Variants in ASTN1 observed in about 807,000 individuals in gnomAD.
ASTN1 encodes the protein astrotactin-1.
ASTN1 carries 41 observed loss-of-function variants against 140.7 expected under a neutral mutation model. That is an observed-to-expected ratio of 0.29 (90% CI 0.23 to 0.38). ASTN1 has a LOEUF of 0.38. Among genes scored for constraint, ASTN1 ranks in the 10% least tolerant of loss-of-function variants. ASTN1 has a pLI of 1.00. For missense variants in ASTN1, 1,479 were observed against 1,678.8 expected (o/e 0.88, Z 2.08); for synonymous variants, 640 against 652.2 (o/e 0.98, Z 0.29).
In ASTN1 at chr1:176,946,066, C is replaced by T. The variant is rs759337020; in HGVS notation, c.2109G>A (p.Thr703=). Residue 703 remains threonine, a synonymous_variant, in exon 13 of 23, where the codon ACG becomes ACA. Transcript: ENST00000361833. ...AGTCACTTCCCTCTGGACAGGTCTC[C>T]GTGATGAGTTGGCAAGAGCGTCCAT... ...GVDGRSCQLI[T]ETCPEGSDCG... is the part of the protein sequence containing the mutation. The T allele has an allele frequency of 8.7e-6, 14 of 1,613,708 alleles. No homozygotes were observed. The highest frequency in any genetic ancestry group is 2.7e-5 in the African/African-American group (2 of 74,908).
At chr1:177,017,535 G>A (rs906828667) in intron 7 of ASTN1, among the ~76,000 whole-genome samples, 1 of 152,220 alleles carries the variant, frequency 6.6e-6, no homozygotes, top group Non-Finnish European at 1.5e-5. Flanking sequence ...GAATTTTAAA[G>A]ACCCCACAAG....
chr1:177,012,809 G>A (rs1057218594), intron 8 of ASTN1, among the ~76,000 whole-genome samples: 3 of 152,186 alleles, frequency 2.0e-5, no homozygotes, highest in Admixed American at 6.5e-5. Context: ...TCACTACAGC[G>A]AGCCAGCCTG....
intron 1 of ASTN1, among the ~76,000 whole-genome samples, chr1:177,128,904 C>T (rs1681805763): frequency 6.6e-6 from 1 of 152,112 alleles, no homozygotes; most frequent in South Asian, 2.1e-4. Context: ...TCATCCATGA[C>T]ATAGGAATAT....
chr1:177,153,024 G>C (rs1683104853), intron 1 of ASTN1, among the ~76,000 whole-genome samples: 1 of 152,148 alleles, frequency 6.6e-6, no homozygotes, highest in African/African-American at 2.4e-5. Context: ...GAGTAACCAT[G>C]TGGACAGCTG....
chr1:177,064,967 C>G (rs982332264), intron 1 of ASTN1, among the ~76,000 whole-genome samples: 7 of 152,220 alleles, frequency 4.6e-5, no homozygotes, highest in Admixed American at 2.6e-4. Context: ...TGTAATCATA[C>G]TGGTCTGGAT....
intron 21 of ASTN1, among the ~76,000 whole-genome samples, chr1:176,871,115 T>C (rs570635434): frequency 6.6e-6 from 1 of 152,276 alleles, no homozygotes; most frequent in East Asian, 1.9e-4. Context: ...ATGGAAAATC[T>C]GGGATGACTC....
chr1:176,942,970 C>T (rs761473598), intron 14 of ASTN1, among the ~76,000 whole-genome samples: 14 of 149,694 alleles, frequency 9.4e-5, no homozygotes, highest in Non-Finnish European at 1.8e-4. Context: ...CACAGGTGCA[C>T]GTCCTCAACC....
chr1:177,163,651 G>C (rs1010806343), intron 1 of ASTN1, among the ~76,000 whole-genome samples: 1 of 152,152 alleles, frequency 6.6e-6, no homozygotes. Context: ...GAATGCCTAC[G>C]CCTATCTAAG....
chr1:177,080,259 CAAAAAAAAAA>C (rs11300384), intron 1 of ASTN1, among the ~76,000 whole-genome samples: 1 of 48,404 alleles, frequency 2.1e-5, no homozygotes, highest in African/African-American at 8.6e-5. Context: ...ATCACCAGGC[CAAAAAAAAAA>C]AAAAAAAAAA....
At chr1:176,903,918 T>G (rs1669873270) in intron 16 of ASTN1, among the ~76,000 whole-genome samples, 1 of 152,224 alleles carries the variant, frequency 6.6e-6, no homozygotes, top group Non-Finnish European at 1.5e-5. Flanking sequence ...TCCTTGGCAC[T>G]CCTTGGCTTA....
intron 1 of ASTN1, among the ~76,000 whole-genome samples, chr1:177,150,578 A>C (rs1313895234): frequency 6.6e-6 from 1 of 152,200 alleles, no homozygotes; most frequent in Non-Finnish European, 1.5e-5. Flanking sequence ...AGGACCAATT[A>C]TCAGGCAGAG....
At chr1:177,071,027 C>T (rs1024169298) in intron 1 of ASTN1, among the ~76,000 whole-genome samples, 1 of 152,158 alleles carries the variant, frequency 6.6e-6, no homozygotes, top group Admixed American at 6.5e-5. Context: ...CTTTAAATAG[C>T]TTCAGCTGCT....
At chr1:176,870,668 C>T (rs539454263) in intron 21 of ASTN1, among the ~76,000 whole-genome samples, 2 of 152,308 alleles carry the variant, frequency 1.3e-5, no homozygotes, top group Admixed American at 1.3e-4. Flanking sequence ...GACACCAATC[C>T]TGTAGCAACC....
chr1:177,137,628 T>G lies in ASTN1; in HGVS notation c.283+26766A>C, dbSNP rs79089069. On this transcript the variant is annotated intron_variant, in intron 1 of 22. Coordinates refer to ENST00000361833, the MANE Select transcript of ASTN1 (RefSeq NM_004319.3). ...ACAGTTACCTAGAGGTGGAGCTAAT[T>G]CACAAACTGTCAAGGTCTGTGAAGG... Among the ~76,000 whole-genome samples the G allele has an allele frequency of 7.2e-3, 1,103 of 152,258 alleles. 10 individuals are homozygous for G. The highest frequency in any genetic ancestry group is 0.025 in the African/African-American group (1,055 of 41,540).
intron 16 of ASTN1, among the ~76,000 whole-genome samples, chr1:176,929,967 C>T (rs551402272): frequency 4.6e-5 from 7 of 152,244 alleles, no homozygotes; most frequent in Non-Finnish European, 5.9e-5. Context: ...AAGATCGCAC[C>T]ACTGCACTCC....
At position 176,986,305 on chromosome 1, in the gene ASTN1, G is replaced by A. The variant is rs182868505; in HGVS notation, c.1524-21068C>T. Among the ~76,000 whole-genome samples, 33 of 152,306 alleles carry A rather than the reference G, an allele frequency of 2.2e-4. No individual in the cohort carries two copies. The East Asian group carries it at 6.2e-3, about 28-fold the overall frequency. On this transcript the variant is annotated intron_variant, in intron 8 of 22. Coordinates refer to ENST00000361833, the MANE Select transcript of ASTN1 (RefSeq NM_004319.3). ...AAATCACTACTTTAAAAATGTTGCA[G>A]AGAGGTAATGATTATTAACATCAAG... is the stretch of plus-strand genomic sequence containing the variant.
At chr1:176,977,668 A>G (rs188227838) in intron 8 of ASTN1, among the ~76,000 whole-genome samples, 3 of 152,210 alleles carry the variant, frequency 2.0e-5, no homozygotes, top group African/African-American at 4.8e-5. Context: ...CTTAATTCTC[A>G]TAAGACCCTC....
chr1:177,007,250 G>A (rs1245951284), intron 8 of ASTN1, among the ~76,000 whole-genome samples: 3 of 152,022 alleles, frequency 2.0e-5, no homozygotes, highest in African/African-American at 4.8e-5. Flanking sequence ...AAAATGAGCC[G>A]GGCGTGATGG....
At chr1:177,038,023 G>T (rs1280997533) in intron 2 of ASTN1, among the ~76,000 whole-genome samples, 2 of 152,170 alleles carry the variant, frequency 1.3e-5, no homozygotes, top group Non-Finnish European at 1.5e-5. Context: ...GTAACAATGT[G>T]TTACATAACA....
Sources: allele counts gnomAD v4.1 joint callset (sites outside exome capture counted in the v4.1 genomes callset), GRCh38; gene constraint gnomAD v4.1.1; transcripts MANE v1.5; gene names NCBI Gene and HGNC (gene_info 2026-07-23, HGNC 2026-07-21).